Variants in ADAMTS8 observed in about 807,000 individuals in gnomAD.
The protein encoded by ADAMTS8 is A disintegrin and metalloproteinase with thrombospondin motifs 8.
In ADAMTS8, 50 loss-of-function variants were observed where a neutral mutation model predicts 64.4. The ratio of observed to expected loss-of-function variants is 0.78; its 90% CI spans 0.62 to 0.98. The LOEUF (loss-of-function observed/expected upper bound fraction) is 0.98. ADAMTS8 is among the 50% of genes least tolerant of loss of function. The pLI is 0.00. For synonymous variants in ADAMTS8, 556 were observed against 533.6 expected (o/e 1.04, Z -0.58); for missense variants, 1,192 against 1,208.2 (o/e 0.99, Z 0.20).
At position 130,411,151 on chromosome 11, in the gene ADAMTS8, C is replaced by T. The variant is rs1861946411; in HGVS notation, c.1750+266G>A. On this transcript the variant is annotated intron_variant, in intron 6 of 8. Coordinates refer to ENST00000257359, the MANE Select transcript of ADAMTS8 (RefSeq NM_007037.6). This position sits in a 1 kb window ranked among gnomAD's most constrained non-coding sequence, Gnocchi z 4.2. ...ATCTTGGAAGATGAGCGTAATTTCT[C>T]TCCTTGACTTTGCCAGGCTCTCTGA... Among the ~76,000 whole-genome samples, 1 of 152,138 alleles carries T rather than the reference C, an allele frequency of 6.6e-6. No individual in the cohort carries two copies. Among genetic ancestry groups the T allele is most frequent in the Admixed American group, 6.5e-5 (1 of 15,282 alleles).
chr11:130,406,069 T>A lies in ADAMTS8; in HGVS notation c.2159A>T (p.Gln720Leu). The change falls in exon 9 of 9, where the codon CAG (glutamine) becomes CTG (leucine). Residue 720 changes from glutamine to leucine, a missense_variant. This residue lies in a region of ADAMTS8 where 290 missense variants were observed against 297.8 expected (regional missense o/e 0.97). Transcript: ENST00000257359. Reference protein sequence around the residue: ...PAGATNIDVKQRSHPGVQNDG... With the variant: ...PAGATNIDVKLRSHPGVQNDG... Reference sequence around the variant, plus strand: ...GTTCTGCACACCCGGGTGGCTCCGCTGCTTCACGTCAATATTAGTGGCACC... The same window carrying A: ...GTTCTGCACACCCGGGTGGCTCCGCAGCTTCACGTCAATATTAGTGGCACC... 6.2e-7 allele frequency: 1 copy of A among 1,613,800 alleles called. No homozygotes were observed. Among genetic ancestry groups the A allele is most frequent in the Non-Finnish European group, 8.5e-7 (1 of 1,180,034 alleles).
rs1038229492 is a variant in ADAMTS8 at position 130,426,904 on chromosome 11, C to T, written c.720+663G>A. 2.0e-5 allele frequency among the ~76,000 whole-genome samples: 3 copies of T among 152,236 alleles called. No individual in the cohort carries two copies. The South Asian group carries it at 6.2e-4, about 31-fold the overall frequency. ...TGAGCCCCCAGGCAGAAGTTCTCTG[C>T]CCCTCCCTCTTGTGCTGGCTGCTGG... On this transcript the variant is annotated intron_variant, in intron 1 of 8. Transcript: ENST00000257359.
At position 130,428,554 on chromosome 11, in the gene ADAMTS8, G is replaced by C; in HGVS notation, c.-268C>G. Reference sequence around the variant, plus strand: ...CCGCGTGCGCCCGTCCTCCGCCCCTGCCCGCGCCAGCCCCGCGCAGCCGCC... The same window carrying C: ...CCGCGTGCGCCCGTCCTCCGCCCCTCCCCGCGCCAGCCCCGCGCAGCCGCC... On this transcript the variant is annotated 5_prime_UTR_variant, in exon 1 of 9. Coordinates refer to ENST00000257359, the MANE Select transcript of ADAMTS8 (RefSeq NM_007037.6). 1 of 590,536 alleles carries C rather than the reference G, an allele frequency of 1.7e-6. No homozygotes were observed. The highest frequency in any genetic ancestry group is 2.1e-6 in the Non-Finnish European group (1 of 469,022). The allele number at this position is 590,536 out of a possible 1,614,324, so 36.6% of individuals were successfully genotyped here. A position where few individuals can be genotyped will look rare whatever the true frequency, so the allele number is the denominator to read the frequency against.
At position 130,408,924 on chromosome 11, in the gene ADAMTS8, C is replaced by T. The variant is rs768928287; in HGVS notation, c.1767G>A (p.Glu589=). The T allele has an allele frequency of 5.2e-6, 8 of 1,542,636 alleles. No homozygotes were observed. Among genetic ancestry groups the T allele is most frequent in the East Asian group, 2.3e-5 (1 of 43,452 alleles). ...AGGCATTATACTTCTCACACTGCTG[C>T]TCCCTGAAGCTTTTCCCTAGAAAGA... ...ECPPDGKSFR[E]QQCEKYNAYN... The change falls in exon 7 of 9, where the codon GAG becomes GAA. Residue 589 remains glutamate, a synonymous_variant. Transcript: ENST00000257359.
chr11:130,416,377 G>A lies in ADAMTS8; in HGVS notation c.1097-47C>T, dbSNP rs78438885. The stretch of plus-strand genomic sequence containing the variant: ...ACTCCGCCCTGTCCTGCCTGAGGGC[G>A]CCCCACCTGGCCCAGCTAGGGACAG... On this transcript the variant is annotated intron_variant, in intron 3 of 8. Transcript: ENST00000257359. This position sits in a 1 kb window ranked among gnomAD's most constrained non-coding sequence, Gnocchi z 4.8. The A allele has an allele frequency of 4.8e-5, 71 of 1,492,664 alleles. No homozygotes were observed. The highest frequency in any genetic ancestry group is 2.3e-4 in the Middle Eastern group (1 of 4,304). The allele number at this position is 1,492,664 out of a possible 1,614,324, so 92.5% of individuals were successfully genotyped here.
chr11:130,427,417 T>G, intron 1 of ADAMTS8, 150 bp downstream of exon 1: 32 of 952,056 alleles, frequency 3.4e-5, no homozygotes, highest in Admixed American at 6.1e-5. Flanking sequence ...AGAATCTCGT[T>G]TGGGGTAAGG....
chr11:130,422,098 T>C (rs1185398842), intron 1 of ADAMTS8, among the ~76,000 whole-genome samples: 1 of 152,100 alleles, frequency 6.6e-6, no homozygotes, highest in Non-Finnish European at 1.5e-5. Flanking sequence ...GAGGCGGCAC[T>C]TTTTAGGGAG....
Position 130,419,167 on chromosome 11 carries a change from C to T in ADAMTS8, c.846G>A (p.Val282=), listed in dbSNP as rs1384714738. The change falls in exon 2 of 9, where the codon GTG becomes GTA. Residue 282 remains valine (V), a synonymous_variant. Coordinates refer to ENST00000257359, the MANE Select transcript of ADAMTS8 (RefSeq NM_007037.6). ...IVEDEKWGPE[V]SDNGGLTLRN... ...GCAGTGTAAGCCCCCCATTGTCGGA[C>T]ACCTCTGGGCCCCATTTTTCATCTT... 6.8e-6 allele frequency: 11 copies of T among 1,614,234 alleles called. No individual in the cohort carries two copies. The highest frequency in any genetic ancestry group is 9.3e-6 in the Non-Finnish European group (11 of 1,180,046).
chr11:130,421,453 C>T (rs932255478), intron 1 of ADAMTS8, among the ~76,000 whole-genome samples: 3 of 152,124 alleles, frequency 2.0e-5, no homozygotes, highest in Non-Finnish European at 2.9e-5. Context: ...CATTTAGCTT[C>T]GAGGGGTGGG....
chr11:130,407,543 T>C (rs1006520643), intron 8 of ADAMTS8, among the ~76,000 whole-genome samples: 41 of 151,954 alleles, frequency 2.7e-4, no homozygotes, highest in African/African-American at 9.9e-4. Context: ...TAGAATACAA[T>C]ACAGTGAACA....
intron 1 of ADAMTS8, among the ~76,000 whole-genome samples, chr11:130,423,379 G>C (rs539600889): frequency 6.6e-6 from 1 of 152,304 alleles, no homozygotes; most frequent in African/African-American, 2.4e-5. Flanking sequence ...CTTTCTCCCT[G>C]GTAGCCACAG....
chr11:130,426,326 G>T (rs968210629), intron 1 of ADAMTS8, among the ~76,000 whole-genome samples: 1 of 152,198 alleles, frequency 6.6e-6, no homozygotes, highest in Non-Finnish European at 1.5e-5. Context: ...AAGGCTGATC[G>T]CCTCCTTGTC....
At chr11:130,413,761 C>G (rs1414180781) in intron 5 of ADAMTS8, among the ~76,000 whole-genome samples, 1 of 152,194 alleles carries the variant, frequency 6.6e-6, no homozygotes, top group East Asian at 1.9e-4. Context: ...TCTCATTCTC[C>G]CAACCTGTAA....
intron 6 of ADAMTS8, among the ~76,000 whole-genome samples, chr11:130,410,308 T>C (rs749938433): frequency 2.6e-5 from 4 of 152,216 alleles, no homozygotes; most frequent in Non-Finnish European, 5.9e-5. Context: ...TTTTACATTT[T>C]CATACATTTT....
intron 6 of ADAMTS8, among the ~76,000 whole-genome samples, chr11:130,410,424 C>T (rs755480888): frequency 6.6e-6 from 1 of 152,200 alleles, no homozygotes; most frequent in Non-Finnish European, 1.5e-5. Context: ...CTACCTTGCA[C>T]CCTATATTCA....
At position 130,419,261 on chromosome 11, in the gene ADAMTS8, G is replaced by A. The variant is rs750019049; in HGVS notation, c.752C>T (p.Ala251Val). ...NHILTLMSVA[A>V]RIYKHPSIKN... ...GATGCTGGGGTGCTTGTAGATTCGG[G>A]CTGCCACAGACATTAACGTCAGGAT... The change falls in exon 2 of 9, where the codon GCC becomes GTC. Residue 251 changes from alanine (A) to valine (V), a missense_variant. Around this residue, in one of 5 missense-constraint regions of ADAMTS8, gnomAD observed 741 missense variants for 710.6 expected, o/e 1.04. Coordinates refer to ENST00000257359, the MANE Select transcript of ADAMTS8 (RefSeq NM_007037.6). 6.2e-7 allele frequency: 1 copy of A among 1,613,930 alleles called. No individual in the cohort carries two copies. The highest frequency in any genetic ancestry group is 8.5e-7 in the Non-Finnish European group (1 of 1,180,030).
At chr11:130,412,868 T>G (rs923291350) in intron 5 of ADAMTS8, among the ~76,000 whole-genome samples, 6 of 152,134 alleles carry the variant, frequency 3.9e-5, no homozygotes, top group African/African-American at 1.4e-4. Flanking sequence ...CTTTCTCTCT[T>G]TCTTTCTCAC....
At chr11:130,408,720 G>T (rs1220419735) in intron 7 of ADAMTS8, 48 bp downstream of exon 7, 1 of 1,612,396 alleles carries the variant, frequency 6.2e-7, no homozygotes, top group Admixed American at 1.7e-5. Context: ...GTGGGGACAG[G>T]CGACCTTCCT....
chr11:130,416,973 G>GC lies in ADAMTS8; in HGVS notation c.1062dup (p.Leu355AlafsTer10). ...TGGGCCAGGGTGTGGGCCGCCTGGA[G>GC]CCCCTCATCCTCGATCACGGAGCAG... On this transcript the variant is annotated frameshift_variant, in exon 3 of 9. Transcript: ENST00000257359. LOFTEE classifies it high-confidence loss of function. The surrounding 1 kb of genome is among the most constrained non-coding windows in gnomAD (Gnocchi z 4.8). 1 of 1,614,142 alleles carries GC rather than the reference G, an allele frequency of 6.2e-7. No individual in the cohort carries two copies. Among genetic ancestry groups the GC allele is most frequent in the South Asian group, 1.1e-5 (1 of 91,084 alleles).
Sources: allele counts gnomAD v4.1 joint callset (sites outside exome capture counted in the v4.1 genomes callset), GRCh38; gene constraint gnomAD v4.1.1; regional missense constraint gnomAD v4.1.1; non-coding constraint Gnocchi (gnomAD v3.1); transcripts MANE v1.5; gene names NCBI Gene and HGNC (gene_info 2026-07-23, HGNC 2026-07-21).